Variants in SLCO1A2 observed in about 807,000 individuals in gnomAD.
SLCO1A2 encodes the protein OATP-1.
In SLCO1A2, 67 loss-of-function variants were observed where a neutral mutation model predicts 69.0. The observed-to-expected ratio is 0.97, with a 90% CI of 0.80 to 1.19. The LOEUF (loss-of-function observed/expected upper bound fraction) is 1.19. Among genes scored for constraint, SLCO1A2 ranks in the 50% most tolerant of loss-of-function variants. The pLI is 0.00. For missense variants in SLCO1A2, 787 were observed against 793.7 expected, an observed-to-expected ratio of 0.99 and a Z score of 0.10; for synonymous variants, 260 against 265.9, an observed-to-expected ratio of 0.98 and a Z score of 0.22.
intron 2 of SLCO1A2, among the ~76,000 whole-genome samples, chr12:21,359,046 G>T (rs1938604163): frequency 6.6e-6 from 1 of 152,158 alleles, no homozygotes; most frequent in African/African-American, 2.4e-5. Flanking sequence ...TTAACAGGAA[G>T]CAAGCTGCTA....
At chr12:21,397,377 T>C (rs1941508364), upstream of SLCO1A2, among the ~76,000 whole-genome samples, 2 of 152,040 alleles carry the variant, frequency 1.3e-5, no homozygotes, top group South Asian at 2.1e-4. Flanking sequence ...ATAAAGCAAG[T>C]CCTGAGTGAC....
In SLCO1A2 at chr12:21,265,840, A is replaced by G. The variant is rs1280789359; in HGVS notation, c.*3708T>C. The G allele has an allele frequency of 6.6e-6, 1 of 152,076 alleles. No homozygotes were observed. Among genetic ancestry groups the G allele is most frequent in the African/African-American group, 2.4e-5 (1 of 41,404 alleles). The allele number at this position is 152,076 out of a possible 1,614,324, so 9.4% of individuals were successfully genotyped here. A position where few individuals can be genotyped will look rare whatever the true frequency, so the allele number is the denominator to read the frequency against. ...GGGATCTAAGAATGCCAGAACAGGA[A>G]TTCTCCAGGCCCAGTAAATAAGAAC... On this transcript the variant is annotated 3_prime_UTR_variant, in exon 15 of 15. Transcript: ENST00000683939.
At chr12:21,370,237 G>A (rs889007058) in intron 2 of SLCO1A2, among the ~76,000 whole-genome samples, 14 of 152,024 alleles carry the variant, frequency 9.2e-5, no homozygotes, top group Admixed American at 5.2e-4. Context: ...AATAACCACC[G>A]AAGAGGTGCA....
chr12:21,376,662 TA>T lies in SLCO1A2; in HGVS notation c.-189-2138del, dbSNP rs141702135. Among the ~76,000 whole-genome samples, 8 of 148,186 alleles carry T rather than the reference TA, an allele frequency of 5.4e-5. No individual in the cohort carries two copies. The South Asian group carries it at 8.6e-4, about 16-fold the overall frequency. On this transcript the variant is annotated intron_variant, in intron 1 of 15. Coordinates refer to the SLCO1A2 transcript ENST00000307378. ...TAGGAAGAAATATGGGAGTAAAATTTAAAAAAAAAACAGTTTCACATGAGAT... is the reference window on the plus strand; with the variant it reads ...TAGGAAGAAATATGGGAGTAAAATTTAAAAAAAAACAGTTTCACATGAGAT...
chr12:21,367,956 C>A (rs926163213), intron 2 of SLCO1A2, among the ~76,000 whole-genome samples: 1 of 152,084 alleles, frequency 6.6e-6, no homozygotes, highest in Non-Finnish European at 1.5e-5. Context: ...AGAATTTCAA[C>A]TAATAAATGA....
intron 4 of SLCO1A2, among the ~76,000 whole-genome samples, chr12:21,312,724 G>T (rs1420993743): frequency 1.3e-5 from 2 of 152,064 alleles, no homozygotes; most frequent in Admixed American, 6.5e-5. Context: ...GGCAAAAAAT[G>T]GGGCAATGGC....
upstream of SLCO1A2, among the ~76,000 whole-genome samples, chr12:21,398,307 T>C (rs1941554081): frequency 6.7e-6 from 1 of 150,320 alleles, no homozygotes; most frequent in African/African-American, 2.4e-5. Flanking sequence ...ACATACACTC[T>C]CCCAAGACTA....
chr12:21,289,274 G>C (rs904770484), intron 12 of SLCO1A2, among the ~76,000 whole-genome samples: 1 of 150,632 alleles, frequency 6.6e-6, no homozygotes, highest in East Asian at 2.0e-4. Flanking sequence ...CTTCTGACAC[G>C]TGTCCTTGGA....
intron 3 of SLCO1A2, among the ~76,000 whole-genome samples, chr12:21,317,784 A>G (rs1951064685): frequency 6.6e-6 from 1 of 152,216 alleles, no homozygotes; most frequent in Non-Finnish European, 1.5e-5. Flanking sequence ...CCTTGAAGAA[A>G]GTGGAAGCTA....
rs536999500 is a variant in SLCO1A2 at position 21,350,722 on chromosome 12, A to C, written c.-62-16013T>G. 1.7e-4 allele frequency among the ~76,000 whole-genome samples: 25 copies of C among 150,690 alleles called. No individual in the cohort carries two copies. The South Asian group carries it at 5.3e-3, about 32-fold the overall frequency. ...CGTGGTGGCACGCACCTGTAGTCCC[A>C]GCTACTCAGAAGGCCGAGGCAGGGG... On this transcript the variant is annotated intron_variant, in intron 2 of 15. Transcript: ENST00000307378.
chr12:21,399,899 G>C (rs375078921), upstream of SLCO1A2, among the ~76,000 whole-genome samples: 8 of 150,722 alleles, frequency 5.3e-5, no homozygotes, highest in African/African-American at 2.0e-4. Flanking sequence ...AGACTTAAAC[G>C]TTAGACCTAA....
chr12:21,347,979 T>C (rs894362471), intron 2 of SLCO1A2, among the ~76,000 whole-genome samples: 17 of 152,212 alleles, frequency 1.1e-4, no homozygotes, highest in African/African-American at 3.9e-4. Flanking sequence ...AGCCAAACCA[T>C]TGTGCTATGC....
chr12:21,379,138 C>G (rs907589992), intron 1 of SLCO1A2: 2 of 152,132 alleles, frequency 1.3e-5, no homozygotes, highest in African/African-American at 4.8e-5. Context: ...ATTGTCAATA[C>G]CCCTGTTAAG....
At position 21,334,822 on chromosome 12, in the gene SLCO1A2, A is replaced by G; in HGVS notation, c.-63+5T>C. On this transcript the variant is annotated splice_donor_5th_base_variant and intron_variant, in intron 1 of 14. Transcript: ENST00000683939. ...TAATTGAAATCCATTGCATTACAAA[A>G]ATACCTGGAACGCTTTAATACAGAT... 1 of 541,800 alleles carries G rather than the reference A, an allele frequency of 1.8e-6. No homozygotes were observed. The highest frequency in any genetic ancestry group is 3.2e-6 in the Non-Finnish European group (1 of 314,978). The allele number at this position is 541,800 out of a possible 1,614,324, so 33.6% of individuals were successfully genotyped here. A position where few individuals can be genotyped will look rare whatever the true frequency, so the allele number is the denominator to read the frequency against.
chr12:21,295,596 C>G lies in SLCO1A2; in HGVS notation c.1271+1G>C, dbSNP rs748117966. Reference sequence around the variant, plus strand: ...CTCACATTCATTAGAAAACAACATACCCTTCATAAGAGGTATTTATTCCAA... The same window carrying G: ...CTCACATTCATTAGAAAACAACATAGCCTTCATAAGAGGTATTTATTCCAA... On this transcript the variant is annotated splice_donor_variant, in intron 10 of 14. Coordinates refer to ENST00000683939, the MANE Select transcript of SLCO1A2 (RefSeq NM_001386879.1). LOFTEE classifies it high-confidence loss of function. The G allele has an allele frequency of 6.5e-7, 1 of 1,548,058 alleles. No individual in the cohort carries two copies. The highest frequency in any genetic ancestry group is 8.9e-7 in the Non-Finnish European group (1 of 1,124,386).
intron 5 of SLCO1A2, 108 bp downstream of exon 5, chr12:21,306,774 A>C: frequency 4.6e-6 from 3 of 653,202 alleles, no homozygotes; most frequent in East Asian, 5.5e-5. Context: ...GAGAGAACAT[A>C]TCTTTGTTTA....
At chr12:21,388,831 G>A (rs537080130) in intron 1 of SLCO1A2, among the ~76,000 whole-genome samples, 2 of 152,086 alleles carry the variant, frequency 1.3e-5, no homozygotes, top group Admixed American at 1.3e-4. Flanking sequence ...AAGCCCACAG[G>A]TTAAGATATT....
chr12:21,297,231 T>TTCTTTCTTTCTTTCTTTC, intron 9 of SLCO1A2, among the ~76,000 whole-genome samples, 173 bp downstream of exon 9: 1 of 124,956 alleles, frequency 8.0e-6, no homozygotes, highest in Non-Finnish European at 1.6e-5. Context: ...CTTTCCTTCC[T>TTCTTTCTTTCTTTCTTTC]TCTTTCTTTC....
At chr12:21,382,439 T>C (rs1940644922) in intron 1 of SLCO1A2, among the ~76,000 whole-genome samples, 5 of 152,110 alleles carry the variant, frequency 3.3e-5, no homozygotes, top group Admixed American at 3.3e-4. Flanking sequence ...ATATAATTCA[T>C]CGGTGTAACC....
Sources: allele counts gnomAD v4.1 joint callset (sites outside exome capture counted in the v4.1 genomes callset), GRCh38; gene constraint gnomAD v4.1.1; transcripts MANE v1.5; gene names NCBI Gene and HGNC (gene_info 2026-07-23, HGNC 2026-07-21).